Variants in B4GALNT1 observed in about 807,000 individuals in gnomAD.
B4GALNT1 encodes the protein beta-1,4-N-acetyl-galactosaminyltransferase 1.
In B4GALNT1, 43 loss-of-function variants were observed where a neutral mutation model predicts 55.2. The ratio of observed to expected loss-of-function variants is 0.78; its 90% CI spans 0.61 to 1.00. The LOEUF (loss-of-function observed/expected upper bound fraction) is 1.00, where lower values mean the gene tolerates loss of function less well. B4GALNT1 is among the 50% of genes least tolerant of loss of function. The pLI is 0.00. For missense variants in B4GALNT1, 664 were observed against 729.7 expected (o/e 0.91, Z 1.04); for synonymous variants, 305 against 311.6 (o/e 0.98, Z 0.22).
intron 6 of B4GALNT1, chr12:57,629,928 C>T: frequency 6.5e-7 from 1 of 1,536,210 alleles, no homozygotes; most frequent in Non-Finnish European, 8.7e-7. Context: ...AGGGGAGACA[C>T]ACCCAAGGCT....
rs775254562 is a variant in B4GALNT1 at position 57,630,973 on chromosome 12, T to G, written c.490+7A>C. ...CTGAGGTCATCCTCTGGGACCCTCC[T>G]CCCTACCTGGCACCAAGATGCTCCT... On this transcript the variant is annotated splice_region_variant and intron_variant, in intron 4 of 10. Coordinates refer to ENST00000341156, the MANE Select transcript of B4GALNT1 (RefSeq NM_001478.5). 1.2e-6 allele frequency: 2 copies of G among 1,611,316 alleles called. No homozygotes were observed. The highest frequency in any genetic ancestry group is 1.7e-6 in the Non-Finnish European group (2 of 1,178,758).
At position 57,629,151 on chromosome 12, in the gene B4GALNT1, G is replaced by A. The variant is rs1407699369; in HGVS notation, c.713-5C>T. 3 of 1,575,882 alleles carry A rather than the reference G, an allele frequency of 1.9e-6. No homozygotes were observed. The highest frequency in any genetic ancestry group is 1.7e-6 in the Non-Finnish European group (2 of 1,157,922). On this transcript the variant is annotated splice_polypyrimidine_tract_variant and splice_region_variant and intron_variant, in intron 6 of 10. Transcript: ENST00000341156. ...GTCCCTCGGTGGAGAACCGGACTGGGAAGAAAGGACATGGCATTTGACCCT... is the reference window on the plus strand; with the variant it reads ...GTCCCTCGGTGGAGAACCGGACTGGAAAGAAAGGACATGGCATTTGACCCT...
intron 1 of B4GALNT1, 109 bp from the exon 2 acceptor site, chr12:57,632,242 C>T: frequency 1.9e-6 from 2 of 1,037,764 alleles, no homozygotes; most frequent in South Asian, 1.4e-5. Context: ...CCCAAGAGCG[C>T]TCTCCACTCC....
chr12:57,632,284 G>A, intron 1 of B4GALNT1, 151 bp from the exon 2 acceptor site: 2 of 809,268 alleles, frequency 2.5e-6, no homozygotes, highest in Admixed American at 2.0e-5. Flanking sequence ...ACTGCCAGCC[G>A]CGGTTTTCCC....
chr12:57,625,008 T>C lies in B4GALNT1; in HGVS notation c.*1736A>G, dbSNP rs775089911. On this transcript the variant is annotated 3_prime_UTR_variant, in exon 11 of 11. Transcript: ENST00000341156. Reference sequence around the variant, plus strand: ...GTGAAGGAGCTTGGTTTAGGAGGGATGTGGATCCTCAGGGAGTGGGAGGCA... The same window carrying C: ...GTGAAGGAGCTTGGTTTAGGAGGGACGTGGATCCTCAGGGAGTGGGAGGCA... The C allele has an allele frequency of 6.1e-5, 98 of 1,613,450 alleles. No individual in the cohort carries two copies. The highest frequency in any genetic ancestry group is 7.9e-5 in the Non-Finnish European group (93 of 1,179,570).
In B4GALNT1 at chr12:57,624,914, T is replaced by C. The variant is rs1884701264; in HGVS notation, c.*1830A>G. On this transcript the variant is annotated 3_prime_UTR_variant, in exon 11 of 11. Coordinates refer to ENST00000341156, the MANE Select transcript of B4GALNT1 (RefSeq NM_001478.5). ...CATCCTGAGCTATCCAACACCACTG[T>C]ACTTTGGGACCCGTGGGCAGTTTCG... 1.2e-6 allele frequency: 2 copies of C among 1,614,158 alleles called. No homozygotes were observed. Among genetic ancestry groups the C allele is most frequent in the Non-Finnish European group, 1.7e-6 (2 of 1,180,034 alleles).
In B4GALNT1 at chr12:57,628,860, G is replaced by A; in HGVS notation, c.855C>T (p.Thr285=). Residue 285 remains threonine (T), a synonymous_variant, in exon 8 of 11, where the codon ACC becomes ACT. Transcript: ENST00000341156. ...ISALVTIATK[T]FLRYDRLRAL... ...CCCGTAGCCGATCATAACGGAGGAA[G>A]GTCTTGGTGGCAATCGTGACTAGAG... 6.2e-7 allele frequency: 1 copy of A among 1,614,254 alleles called. No homozygotes were observed. The highest frequency in any genetic ancestry group is 8.5e-7 in the Non-Finnish European group (1 of 1,180,050).
chr12:57,627,911 G>T, intron 9 of B4GALNT1, 53 bp from the exon 10 acceptor site: 6 of 1,507,776 alleles, frequency 4.0e-6, no homozygotes, highest in Non-Finnish European at 4.4e-6. Flanking sequence ...GGGACCCGAA[G>T]GGGTCAAGGT....
rs111924104 is a variant in B4GALNT1, at chr12:57,624,885, T to A, written c.*1859A>T. The A allele has an allele frequency of 2.5e-6, 4 of 1,614,008 alleles. No individual in the cohort carries two copies. Among genetic ancestry groups the A allele is most frequent in the East Asian group, 2.2e-5 (1 of 44,898 alleles). Reference sequence around the variant, plus strand: ...TCTTAGCTCCTCCAGGTCCCGGGGCTCTGCATCCTGAGCTATCCAACACCA... The same window carrying A: ...TCTTAGCTCCTCCAGGTCCCGGGGCACTGCATCCTGAGCTATCCAACACCA... On this transcript the variant is annotated 3_prime_UTR_variant, in exon 11 of 11. Transcript: ENST00000341156.
chr12:57,627,690 A>C lies in B4GALNT1; in HGVS notation c.1312T>G (p.Phe438Val). The C allele has an allele frequency of 6.2e-7, 1 of 1,612,268 alleles. No individual in the cohort carries two copies. Among genetic ancestry groups the C allele is most frequent in the East Asian group, 2.2e-5 (1 of 44,808 alleles). Residue 438 changes from phenylalanine (F) to valine (V), a missense_variant, in exon 10 of 11, where the codon TTC (phenylalanine) becomes GTC (valine). Coordinates refer to ENST00000341156, the MANE Select transcript of B4GALNT1 (RefSeq NM_001478.5). ...GCVVTDGVVN[F>V]FLARTDKVRE... ...ACCTTGTCAGTCCGCGCCAGGAAGA[A>C]GTTAACCACGCCGTCGGTGACCACG...
Position 57,623,923 on chromosome 12 carries a change from A to G in B4GALNT1, c.*2821T>C. On this transcript the variant is annotated 3_prime_UTR_variant, in exon 11 of 11. Coordinates refer to ENST00000341156, the MANE Select transcript of B4GALNT1 (RefSeq NM_001478.5). ...TTACTATCTGCCCAAGGTAATGAGC[A>G]GAGGAGGCATGAGCATGGCTGGGAG... The G allele has an allele frequency of 6.2e-7, 1 of 1,613,988 alleles. No homozygotes were observed. The highest frequency in any genetic ancestry group is 8.5e-7 in the Non-Finnish European group (1 of 1,179,940).
rs145611777 is a variant in B4GALNT1, at chr12:57,626,891, G to C, written c.1455C>G (p.Ser485=). 5.8e-4 allele frequency: 933 copies of C among 1,614,192 alleles called. 4 individuals carry two copies. In the African/African-American group the frequency reaches 0.011, roughly 19 times the overall value. The part of the protein sequence containing the change: ...SCSDVVVDHA[S]KLKLPWTSRD... ...TTGATGTCCAAGGCAGCTTCAGTTT[G>C]GATGCATGATCCACCACGACGTCGG... Residue 485 remains serine, a synonymous_variant, in exon 11 of 11, where the codon TCC becomes TCG. Coordinates refer to ENST00000341156, the MANE Select transcript of B4GALNT1 (RefSeq NM_001478.5).
At chr12:57,632,723 T>G (rs1331731733) in intron 1 of B4GALNT1, 49 bp downstream of exon 1, 2 of 155,690 alleles carry the variant, frequency 1.3e-5, no homozygotes, top group Non-Finnish European at 2.6e-5. Flanking sequence ...CGCCTCCTCC[T>G]CCTCCCCTCA....
At chr12:57,628,384 C>T (rs1884982222) in intron 8 of B4GALNT1, 122 bp from the exon 9 acceptor site, 1 of 1,438,012 alleles carries the variant, frequency 7.0e-7, no homozygotes, top group South Asian at 1.3e-5. Flanking sequence ...TGAGTGCTTT[C>T]GAAAGGCCAG....
rs747586827 is a variant in B4GALNT1, at chr12:57,628,211, C to A, written c.1054G>T (p.Val352Leu). The change falls in exon 9 of 11, where the codon GTG becomes TTG. Residue 352 changes from valine (V) to leucine (L), a missense_variant. Transcript: ENST00000341156. ...LAVSQVTTKY[V>L]LWVDDDFVFT... Reference sequence around the variant, plus strand: ...ACGAAGTCGTCGTCCACCCACAGCACGTACTTGGTGGTTACTTGAGACACG... The same window carrying A: ...ACGAAGTCGTCGTCCACCCACAGCAAGTACTTGGTGGTTACTTGAGACACG... 9.9e-6 allele frequency: 16 copies of A among 1,614,282 alleles called. No individual in the cohort carries two copies. Among genetic ancestry groups the A allele is most frequent in the Non-Finnish European group, 1.2e-5 (14 of 1,180,048 alleles).
intron 1 of B4GALNT1, 66 bp from the exon 2 acceptor site, chr12:57,632,199 T>G: frequency 7.0e-7 from 1 of 1,420,678 alleles, no homozygotes; most frequent in Non-Finnish European, 9.7e-7. Flanking sequence ...ATGGGGCCCT[T>G]GGCCCCCGCG....
In B4GALNT1 at chr12:57,630,511, G is replaced by T. The variant is rs1401875439; in HGVS notation, c.498C>A (p.Ser166Arg). ...CCTCCTGACCAGAAGCTGCCTGAAG[G>T]CTCAGCCCTAGGAGAAAGGAGTGGG... ...PLRSILVPGL[S>R]LQAASGQEVY... Residue 166 changes from serine to arginine, a missense_variant, in exon 5 of 11, where the codon AGC (serine) becomes AGA (arginine). By Grantham distance (110) the Ser-to-Arg change is moderately radical (BLOSUM62 -1). Transcript: ENST00000341156. The T allele has an allele frequency of 6.2e-7, 1 of 1,608,138 alleles. No homozygotes were observed. The highest frequency in any genetic ancestry group is 1.7e-5 in the Admixed American group (1 of 58,886).
intron 6 of B4GALNT1, chr12:57,629,794 C>T (rs1885077280): frequency 6.9e-6 from 10 of 1,439,102 alleles, no homozygotes; most frequent in Non-Finnish European, 3.6e-6. Flanking sequence ...GCCTCTTTTG[C>T]TGGAAGAGAA....
rs185308379 is a variant in B4GALNT1 at position 57,624,217 on chromosome 12, G to A, written c.*2527C>T. On this transcript the variant is annotated 3_prime_UTR_variant, in exon 11 of 11. Coordinates refer to ENST00000341156, the MANE Select transcript of B4GALNT1 (RefSeq NM_001478.5). ...GTTCTGCAACCCACCCACTCCCCCAGCAAACATAACTCCTAGTATGCTTTA... is the reference window on the plus strand; with the variant it reads ...GTTCTGCAACCCACCCACTCCCCCAACAAACATAACTCCTAGTATGCTTTA... The A allele has an allele frequency of 4.4e-4, 403 of 917,690 alleles. No individual in the cohort carries two copies. The African/African-American group carries it at 5.5e-3, about 13-fold the overall frequency. The allele number at this position is 917,690 out of a possible 1,614,324, so 56.8% of individuals were successfully genotyped here. A position where few individuals can be genotyped will look rare whatever the true frequency, so the allele number is the denominator to read the frequency against.
Sources: allele counts gnomAD v4.1 joint callset, GRCh38; gene constraint gnomAD v4.1.1; transcripts MANE v1.5; gene names NCBI Gene and HGNC (gene_info 2026-07-23, HGNC 2026-07-21).